RNF13: variants seen among roughly 807,000 people sequenced by gnomAD.
The protein encoded by RNF13 is ring finger protein 13.
RNF13 carries 19 observed loss-of-function variants against 37.7 expected under a neutral mutation model. The observed-to-expected ratio is 0.50, with a 90% CI of 0.35 to 0.74. The LOEUF is 0.74. RNF13 is among the 30% of genes least tolerant of loss of function. The probability of loss-of-function intolerance (pLI) is 0.01; values close to 1 mark genes in which losing one functional copy is unlikely to be tolerated. For missense variants in RNF13, 375 were observed against 453.0 expected, an observed-to-expected ratio of 0.83 and a Z score of 1.56; for synonymous variants, 144 against 157.8, an observed-to-expected ratio of 0.91 and a Z score of 0.65.
At chr3:149,899,139 T>C (rs889939613) in intron 5 of RNF13, among the ~76,000 whole-genome samples, 29 of 152,172 alleles carry the variant, frequency 1.9e-4, no homozygotes, top group Admixed American at 1.8e-3. Flanking sequence ...ATAAGGACTT[T>C]GGAATTTATT....
chr3:149,872,266 T>C, intron 4 of RNF13, 112 bp downstream of exon 4: 1 of 735,480 alleles, frequency 1.4e-6, no homozygotes, highest in Non-Finnish European at 2.1e-6. Context: ...TCCAGTAAGA[T>C]TGAAAATAAA....
At chr3:149,855,025 A>G (rs1723506919) in intron 3 of RNF13, among the ~76,000 whole-genome samples, 1 of 152,178 alleles carries the variant, frequency 6.6e-6, no homozygotes, top group Non-Finnish European at 1.5e-5. Context: ...TACTGCAATA[A>G]TTACCCTGCA....
intron 1 of RNF13, among the ~76,000 whole-genome samples, chr3:149,833,655 A>G (rs1272277199): frequency 6.6e-6 from 1 of 152,214 alleles, no homozygotes; most frequent in African/African-American, 2.4e-5. Flanking sequence ...GACAACTAAT[A>G]TAATTGGTCA....
At chr3:149,874,106 C>T (rs1013362191) in intron 4 of RNF13, among the ~76,000 whole-genome samples, 1 of 152,132 alleles carries the variant, frequency 6.6e-6, no homozygotes, top group African/African-American at 2.4e-5. Flanking sequence ...ACCATGTAGG[C>T]ACAGTTTTTA....
chr3:149,895,355 T>A (rs1398225506), intron 4 of RNF13, 118 bp from the exon 5 acceptor site: 1 of 604,686 alleles, frequency 1.7e-6, no homozygotes, highest in Non-Finnish European at 2.9e-6. Context: ...GTCCTTTTAA[T>A]GTTTTAGCTT....
chr3:149,942,828 G>T (rs534399068), intron 8 of RNF13, among the ~76,000 whole-genome samples: 4 of 152,098 alleles, frequency 2.6e-5, no homozygotes, highest in Non-Finnish European at 5.9e-5. Flanking sequence ...GATGTTAAAT[G>T]TAGCCATCTC....
intron 3 of RNF13, among the ~76,000 whole-genome samples, chr3:149,858,502 G>A (rs1723885576): frequency 6.6e-6 from 1 of 152,184 alleles, no homozygotes; most frequent in Admixed American, 6.5e-5. Context: ...TGATAAGGAA[G>A]CTTTGATCAG....
chr3:149,829,365 G>C (rs1454120746), intron 1 of RNF13, among the ~76,000 whole-genome samples: 1 of 152,142 alleles, frequency 6.6e-6, no homozygotes, highest in African/African-American at 2.4e-5. Flanking sequence ...CTCCCAAAGT[G>C]TTGGGATTAC....
rs1802142 is a variant in RNF13, at chr3:149,960,115, A to C, written c.760A>C (p.Arg254=). 2.5e-5 allele frequency: 41 copies of C among 1,609,810 alleles called. No individual in the cohort carries two copies. The highest frequency in any genetic ancestry group is 3.2e-5 in the Non-Finnish European group (38 of 1,176,192). ...LDEYEDGDKL[R]ILPCSHAYHC... ...TGAGTATGAAGATGGAGACAAACTC[A>C]GAATCCTTCCCTGTTCCCATGGTAT... Residue 254 remains arginine (R), a synonymous_variant, in exon 9 of 10, where the codon AGA becomes CGA. Coordinates refer to ENST00000392894, the MANE Select transcript of RNF13 (RefSeq NM_183381.3).
At chr3:149,899,494 G>GT (rs1292289896) in intron 5 of RNF13, among the ~76,000 whole-genome samples, 2 of 152,084 alleles carry the variant, frequency 1.3e-5, no homozygotes, top group Non-Finnish European at 2.9e-5. Context: ...AAAAAAATAA[G>GT]TTTTAAACAG....
intron 8 of RNF13, among the ~76,000 whole-genome samples, chr3:149,924,016 A>T (rs1718412115): frequency 6.6e-6 from 1 of 152,296 alleles, no homozygotes; most frequent in South Asian, 2.1e-4. Flanking sequence ...TTCAGGTGTG[A>T]TATAAATGTG....
chr3:149,953,099 A>G (rs991484176), intron 8 of RNF13, among the ~76,000 whole-genome samples: 3 of 151,690 alleles, frequency 2.0e-5, no homozygotes, highest in African/African-American at 7.3e-5. Context: ...TTAAAATACT[A>G]TAGGGAAAAG....
rs779761971 is a variant in RNF13 at position 149,921,196 on chromosome 3, T to G, written c.669T>G (p.Leu223=). ...ARRNRLRKDQ[L]KKLPVHKFKK... ...GAAACAGACTTCGTAAAGATCAACT[T>G]AAGAAACTTCCTGTACATAAATTCA... The change falls in exon 8 of 10, where the codon CTT becomes CTG. Residue 223 remains leucine, a synonymous_variant. Coordinates refer to ENST00000392894, the MANE Select transcript of RNF13 (RefSeq NM_183381.3). The G allele has an allele frequency of 2.8e-6, 4 of 1,425,858 alleles. No homozygotes were observed. Among genetic ancestry groups the G allele is most frequent in the Non-Finnish European group, 3.7e-6 (4 of 1,072,100 alleles). 88.3% of individuals were successfully genotyped at this position (1,425,858 alleles called of 1,614,324 possible). A position where few individuals can be genotyped will look rare whatever the true frequency, so the allele number is the denominator to read the frequency against.
chr3:149,843,685 G>T (rs748029860), intron 1 of RNF13, among the ~76,000 whole-genome samples: 5 of 152,168 alleles, frequency 3.3e-5, no homozygotes, highest in Admixed American at 3.3e-4. Context: ...TTTACTCTTC[G>T]AACATCAACC....
At chr3:149,949,196 C>T (rs1420674302) in intron 8 of RNF13, among the ~76,000 whole-genome samples, 1 of 152,044 alleles carries the variant, frequency 6.6e-6, no homozygotes, top group Non-Finnish European at 1.5e-5. Context: ...CTTGTAGGTG[C>T]TCTTTTAGAA....
At chr3:149,947,378 T>G (rs562071674) in intron 8 of RNF13, among the ~76,000 whole-genome samples, 3 of 152,038 alleles carry the variant, frequency 2.0e-5, no homozygotes, top group African/African-American at 7.2e-5. Flanking sequence ...CTGTTAGTAT[T>G]GTGTTGCTGC....
At chr3:149,946,747 CAG>C (rs1720805610) in intron 8 of RNF13, among the ~76,000 whole-genome samples, 1 of 152,160 alleles carries the variant, frequency 6.6e-6, no homozygotes. Context: ...TTCATCTTCT[CAG>C]AATACCAACT....
chr3:149,905,021 G>A lies in RNF13; in HGVS notation c.500+2859G>A, dbSNP rs145725497. On this transcript the variant is annotated intron_variant, in intron 6 of 9. Transcript: ENST00000392894. ...TCCCCTGTTGATCAGCATTTGAATC[G>A]GTTACGTTATTTTGTAATTATAAAT... 4.4e-3 allele frequency among the ~76,000 whole-genome samples: 662 copies of A among 152,118 alleles called. 11 individuals are homozygous for A. The highest frequency in any genetic ancestry group is 0.014 in the African/African-American group (591 of 41,514).
At chr3:149,904,283 A>C (rs1716169886) in intron 6 of RNF13, among the ~76,000 whole-genome samples, 1 of 152,166 alleles carries the variant, frequency 6.6e-6, no homozygotes, top group Non-Finnish European at 1.5e-5. Context: ...ACAGACTCAG[A>C]AGAAGAATAT....
Sources: gnomAD v4.1 joint callset for allele counts (sites outside exome capture counted in the v4.1 genomes callset) on GRCh38, gnomAD v4.1.1 for gene constraint, MANE v1.5 for transcripts, NCBI Gene and HGNC (gene_info 2026-07-23, HGNC 2026-07-21) for gene names.